Variants in FHIT observed in about 807,000 individuals in gnomAD.
FHIT encodes fragile histidine triad diadenosine triphosphatase.
FHIT carries 19 observed loss-of-function variants against 17.9 expected under a neutral mutation model. The observed-to-expected ratio is 1.06, with a 90% CI of 0.74 to 1.56. The LOEUF (loss-of-function observed/expected upper bound fraction) is 1.56, where lower values mean the gene tolerates loss of function less well. FHIT is among the 40% of genes most tolerant of loss of function. FHIT has a pLI of 0.00. For missense variants in FHIT, 248 were observed against 189.2 expected (o/e 1.31, Z -1.82); for synonymous variants, 81 against 69.7 (o/e 1.16, Z -0.81).
intron 3 of FHIT, among the ~76,000 whole-genome samples, chr3:60,995,095 C>T (rs919524042): frequency 2.6e-5 from 4 of 151,974 alleles, no homozygotes; most frequent in Admixed American, 1.3e-4. Context: ...CCGAGGCGGG[C>T]GGATCACGAG....
At chr3:59,976,170 G>A (rs1245330636) in intron 7 of FHIT, among the ~76,000 whole-genome samples, 2 of 152,044 alleles carry the variant, frequency 1.3e-5, no homozygotes, top group Non-Finnish European at 2.9e-5. Context: ...ATGCTGTCTG[G>A]GGGGTAAAGG....
chr3:61,066,138 C>G (rs1269694850), intron 2 of FHIT, among the ~76,000 whole-genome samples: 1 of 152,176 alleles, frequency 6.6e-6, no homozygotes, highest in East Asian at 1.9e-4. Flanking sequence ...ATAACAAACC[C>G]ACTCTTGCAA....
intron 5 of FHIT, among the ~76,000 whole-genome samples, chr3:60,482,122 C>G (rs1306495636): frequency 2.0e-5 from 3 of 152,084 alleles, no homozygotes; most frequent in Non-Finnish European, 4.4e-5. Context: ...ACAAGGAGAG[C>G]TAAGTATTCT....
intron 5 of FHIT, among the ~76,000 whole-genome samples, chr3:60,375,945 G>A (rs1382523476): frequency 6.6e-6 from 1 of 152,102 alleles, no homozygotes; most frequent in African/African-American, 2.4e-5. Flanking sequence ...TGTGCCTGAG[G>A]AAGTGAACAT....
chr3:60,465,126 G>A (rs934950613), intron 5 of FHIT, among the ~76,000 whole-genome samples: 1 of 152,090 alleles, frequency 6.6e-6, no homozygotes, highest in African/African-American at 2.4e-5. Flanking sequence ...CTGATGATCA[G>A]TTATGTTGAG....
chr3:60,129,860 T>C (rs893070420), intron 5 of FHIT, among the ~76,000 whole-genome samples: 2 of 152,206 alleles, frequency 1.3e-5, no homozygotes, highest in Non-Finnish European at 2.9e-5. Context: ...TTATCTGATT[T>C]ATCTTCTTAA....
At chr3:60,469,592 A>T (rs964159321) in intron 5 of FHIT, among the ~76,000 whole-genome samples, 1 of 152,044 alleles carries the variant, frequency 6.6e-6, no homozygotes, top group Non-Finnish European at 1.5e-5. Flanking sequence ...TCTTCAAAAC[A>T]GCTATTTTGA....
At chr3:60,842,658 T>A (rs1553745467) in intron 3 of FHIT, among the ~76,000 whole-genome samples, 1 of 141,464 alleles carries the variant, frequency 7.1e-6, no homozygotes, top group Non-Finnish European at 1.5e-5. Context: ...TTTTTTTTTT[T>A]TTTTTTCCCT....
At chr3:60,029,721 T>C (rs1292601886) in intron 5 of FHIT, among the ~76,000 whole-genome samples, 3 of 152,174 alleles carry the variant, frequency 2.0e-5, no homozygotes, top group African/African-American at 7.2e-5. Context: ...TTATGAGTAT[T>C]CAGCCAGGTG....
chr3:60,968,381 G>C (rs1205595555), intron 3 of FHIT, among the ~76,000 whole-genome samples: 1 of 150,012 alleles, frequency 6.7e-6, no homozygotes, highest in Admixed American at 6.6e-5. Context: ...CAAGAAAATT[G>C]TTAATATTTC....
intron 5 of FHIT, among the ~76,000 whole-genome samples, chr3:60,519,623 G>C (rs2035285269): frequency 6.6e-6 from 1 of 151,980 alleles, no homozygotes; most frequent in Non-Finnish European, 1.5e-5. Flanking sequence ...GAAGAGAAAA[G>C]ACATTTACAG....
chr3:59,766,756 C>G (rs1161245371), intron 8 of FHIT, among the ~76,000 whole-genome samples: 1 of 152,164 alleles, frequency 6.6e-6, no homozygotes. Context: ...TTCTGCCTAT[C>G]ATTGGGGAAT....
chr3:61,039,495 C>A (rs938075965), intron 3 of FHIT, among the ~76,000 whole-genome samples: 2 of 152,100 alleles, frequency 1.3e-5, no homozygotes, highest in African/African-American at 4.8e-5. Flanking sequence ...AAATGTGGCA[C>A]ATATACACCA....
At chr3:59,773,129 G>A (rs538424269) in intron 8 of FHIT, among the ~76,000 whole-genome samples, 1 of 152,182 alleles carries the variant, frequency 6.6e-6, no homozygotes, top group Non-Finnish European at 1.5e-5. Context: ...TATCTTGAGT[G>A]GAAATCTTAT....
intron 2 of FHIT, among the ~76,000 whole-genome samples, chr3:61,140,193 A>G (rs550140791): frequency 6.6e-6 from 1 of 152,200 alleles, no homozygotes; most frequent in African/African-American, 2.4e-5. Flanking sequence ...TCCATAAAAC[A>G]TTTAAATAAT....
intron 2 of FHIT, among the ~76,000 whole-genome samples, chr3:61,072,258 T>C (rs1156410501): frequency 1.3e-5 from 2 of 152,156 alleles, no homozygotes; most frequent in East Asian, 3.9e-4. Context: ...TATTCAGGTA[T>C]TGACTGCCCA....
intron 5 of FHIT, among the ~76,000 whole-genome samples, chr3:60,082,543 A>G (rs2223085): frequency 0.06 from 9,109 of 151,998 alleles, 316 homozygotes; most frequent in South Asian, 0.094. Flanking sequence ...TCACTGAAAA[A>G]CCTCCCAACT....
At chr3:59,799,500 G>A (rs1033022850) in intron 8 of FHIT, among the ~76,000 whole-genome samples, 1 of 152,216 alleles carries the variant, frequency 6.6e-6, no homozygotes, top group African/African-American at 2.4e-5. Context: ...AGGAAAAGGG[G>A]AGGGGAGAAA....
intron 2 of FHIT, among the ~76,000 whole-genome samples, chr3:61,125,365 T>C (rs2036578144): frequency 6.6e-6 from 1 of 152,196 alleles, no homozygotes; most frequent in Non-Finnish European, 1.5e-5. Context: ...AGAATAGATA[T>C]TTGAAATCAT....
Sources: gnomAD v4.1 joint callset for allele counts (sites outside exome capture counted in the v4.1 genomes callset) on GRCh38, gnomAD v4.1.1 for gene constraint, MANE v1.5 for transcripts, NCBI Gene and HGNC (gene_info 2026-07-23, HGNC 2026-07-21) for gene names.